The following CYB5R4 variants were observed in gnomAD, a reference collection of about 807,000 sequenced individuals.
CYB5R4 encodes the protein cytochrome b5 reductase 4, also known as N-terminal cytochrome b5 and cytochrome b5 oxidoreductase domain-containing protein.
Under a neutral mutation model 70.2 loss-of-function variants are expected in CYB5R4, and 55 were observed. That is an observed-to-expected ratio of 0.78 (90% CI 0.63 to 0.98). The LOEUF (loss-of-function observed/expected upper bound fraction) is 0.98, where lower values mean the gene tolerates loss of function less well. CYB5R4 is among the 50% of genes least tolerant of loss of function. The probability of loss-of-function intolerance (pLI) is 0.00; values close to 1 mark genes in which losing one functional copy is unlikely to be tolerated. For missense variants in CYB5R4, 562 were observed against 612.6 expected (o/e 0.92, Z 0.87); for synonymous variants, 197 against 199.5 (o/e 0.99, Z 0.11).
At chr6:83,956,374 G>C (rs966854384) in intron 15 of CYB5R4, among the ~76,000 whole-genome samples, 7 of 152,158 alleles carry the variant, frequency 4.6e-5, no homozygotes, top group South Asian at 2.1e-4. Context: ...GCTGGATTGG[G>C]GGGGGCACGG....
chr6:83,930,748 C>T (rs2099468015), intron 10 of CYB5R4, among the ~76,000 whole-genome samples: 1 of 150,466 alleles, frequency 6.6e-6, no homozygotes, highest in Non-Finnish European at 1.5e-5. Flanking sequence ...GGTGAAACTT[C>T]TATATTTGAA....
chr6:83,956,150 A>G (rs1159423844), intron 15 of CYB5R4, among the ~76,000 whole-genome samples: 5 of 152,174 alleles, frequency 3.3e-5, no homozygotes, highest in African/African-American at 1.2e-4. Context: ...TGTTGATGAA[A>G]AAAGTCAAAC....
At chr6:83,862,930 T>C (rs760449513) in intron 1 of CYB5R4, among the ~76,000 whole-genome samples, 1 of 152,226 alleles carries the variant, frequency 6.6e-6, no homozygotes, top group Non-Finnish European at 1.5e-5. Context: ...ACCTATTAAC[T>C]TGGTTACTTT....
chr6:83,866,712 C>G (rs2099456770), intron 2 of CYB5R4, among the ~76,000 whole-genome samples: 1 of 152,060 alleles, frequency 6.6e-6, no homozygotes, highest in East Asian at 1.9e-4. Flanking sequence ...ACCTCCTGAG[C>G]TCAAGTAATC....
At chr6:83,925,813 T>G (rs1369963068) in intron 10 of CYB5R4, among the ~76,000 whole-genome samples, 1 of 152,218 alleles carries the variant, frequency 6.6e-6, no homozygotes, top group Non-Finnish European at 1.5e-5. Context: ...TCTAATTATC[T>G]TATCTTTTCT....
intron 4 of CYB5R4, 22 bp downstream of exon 4, chr6:83,909,112 C>T: frequency 1.9e-6 from 3 of 1,599,610 alleles, no homozygotes; most frequent in South Asian, 1.1e-5. Flanking sequence ...TGGTGCTAAA[C>T]CAGCATGGAT....
At chr6:83,907,841 G>A (rs886335533) in intron 3 of CYB5R4, among the ~76,000 whole-genome samples, 6 of 152,142 alleles carry the variant, frequency 3.9e-5, no homozygotes, top group African/African-American at 1.4e-4. Flanking sequence ...GTATTCCATG[G>A]TGTATATCTA....
chr6:83,873,916 C>T (rs1386347218), intron 2 of CYB5R4, among the ~76,000 whole-genome samples: 1 of 151,996 alleles, frequency 6.6e-6, no homozygotes, highest in East Asian at 1.9e-4. Flanking sequence ...GAACATTATT[C>T]CAGGCTTCAG....
intron 14 of CYB5R4, among the ~76,000 whole-genome samples, chr6:83,945,077 A>G (rs1384361073): frequency 2.0e-5 from 3 of 152,226 alleles, no homozygotes; most frequent in Non-Finnish European, 4.4e-5. Flanking sequence ...AAGCAGACCT[A>G]ATAGACATCT....
At chr6:83,859,975 C>A in intron 1 of CYB5R4, 118 bp downstream of exon 1, 1 of 916,298 alleles carries the variant, frequency 1.1e-6, no homozygotes, top group East Asian at 2.6e-5. Flanking sequence ...TCGTTCCCTG[C>A]TGTCCTTGCC....
chr6:83,891,157 G>T (rs537777897), intron 2 of CYB5R4, among the ~76,000 whole-genome samples: 6 of 152,158 alleles, frequency 3.9e-5, no homozygotes, highest in African/African-American at 9.6e-5. Context: ...ATGTTGCCCA[G>T]ACTGGTCTTG....
At chr6:83,912,749 A>G (rs1358081129) in intron 4 of CYB5R4, among the ~76,000 whole-genome samples, 1 of 152,224 alleles carries the variant, frequency 6.6e-6, no homozygotes. Context: ...TTGAAAGTGA[A>G]AAACAGTCTC....
At position 83,960,388 on chromosome 6, in the gene CYB5R4, G is replaced by C. The variant is rs1400086036; in HGVS notation, c.*510G>C. 6.6e-6 allele frequency: 1 copy of C among 152,606 alleles called. No homozygotes were observed. The highest frequency in any genetic ancestry group is 2.4e-5 in the African/African-American group (1 of 41,432). 9.5% of individuals were successfully genotyped at this position (152,606 alleles called of 1,614,324 possible). A position where few individuals can be genotyped will look rare whatever the true frequency, so the allele number is the denominator to read the frequency against. ...CATTTTTTTGTGTGTGTATGGCATT[G>C]ATGCAGAATAGAATAAAATTATACT... On this transcript the variant is annotated 3_prime_UTR_variant, in exon 16 of 16. Coordinates refer to ENST00000369681, the MANE Select transcript of CYB5R4 (RefSeq NM_016230.4).
rs1358546608 is a variant in CYB5R4 at position 83,961,693 on chromosome 6, A to G, written c.*1815A>G. On this transcript the variant is annotated 3_prime_UTR_variant, in exon 16 of 16. Coordinates refer to ENST00000369681, the MANE Select transcript of CYB5R4 (RefSeq NM_016230.4). Reference sequence around the variant, plus strand: ...TATAGCAGTGTGAAAATAGACTAATATAAAAAGAGACTATTTACCACTTTT... The same window carrying G: ...TATAGCAGTGTGAAAATAGACTAATGTAAAAAGAGACTATTTACCACTTTT... The G allele has an allele frequency of 6.6e-6, 1 of 152,130 alleles. No individual in the cohort carries two copies. The highest frequency in any genetic ancestry group is 2.4e-5 in the African/African-American group (1 of 41,438). 9.4% of individuals were successfully genotyped at this position (152,130 alleles called of 1,614,324 possible).
chr6:83,954,057 A>G (rs1036688309), intron 14 of CYB5R4, among the ~76,000 whole-genome samples: 5 of 152,054 alleles, frequency 3.3e-5, no homozygotes, highest in African/African-American at 1.2e-4. Context: ...TGAAATTATA[A>G]AAGAATTTCA....
At position 83,931,803 on chromosome 6, in the gene CYB5R4, ATT is replaced by A. The variant is rs751383236; in HGVS notation, c.815-2783_815-2782del. 2.6e-5 allele frequency among the ~76,000 whole-genome samples: 3 copies of A among 116,800 alleles called. No individual in the cohort carries two copies. In the South Asian group the frequency reaches 8.3e-4, roughly 32 times the overall value. 76.6% of individuals were successfully genotyped at this position (116,800 alleles called of 152,430 possible). On this transcript the variant is annotated intron_variant, in intron 10 of 15. Transcript: ENST00000369681. The stretch of plus-strand genomic sequence containing the variant: ...TTCTTTTTTGTTTATATATATATAT[ATT>A]TTTTTTTTATTATACTTTAAGTTCT...
chr6:83,861,590 T>G (rs959240606), intron 1 of CYB5R4, among the ~76,000 whole-genome samples: 1 of 152,180 alleles, frequency 6.6e-6, no homozygotes, highest in Non-Finnish European at 1.5e-5. Flanking sequence ...CCCAAAGATA[T>G]GCAAGTTAGG....
intron 13 of CYB5R4, 133 bp from the exon 14 acceptor site, chr6:83,940,380 CAT>C: frequency 9.3e-7 from 1 of 1,070,510 alleles, no homozygotes; most frequent in Non-Finnish European, 1.3e-6. Flanking sequence ...TCTTTTATCT[CAT>C]TTCAGTTTTT....
chr6:83,894,328 T>C (rs2099461549), intron 3 of CYB5R4, among the ~76,000 whole-genome samples: 1 of 152,204 alleles, frequency 6.6e-6, no homozygotes, highest in South Asian at 2.1e-4. Context: ...ATATATGCTT[T>C]ATTTTGTATT....
Sources: gnomAD v4.1 joint callset for allele counts (sites outside exome capture counted in the v4.1 genomes callset) on GRCh38, gnomAD v4.1.1 for gene constraint, MANE v1.5 for transcripts, NCBI Gene and HGNC (gene_info 2026-07-23, HGNC 2026-07-21) for gene names.